The following NEB variants were observed in gnomAD, a reference collection of about 807,000 sequenced individuals.
NEB encodes the protein nebulin.
A neutral mutation model predicts 952.2 loss-of-function variants in NEB; 512 were observed. The observed-to-expected ratio is 0.54, with a 90% confidence interval of 0.50 to 0.58. The LOEUF (loss-of-function observed/expected upper bound fraction) is 0.58, where lower values mean the gene tolerates loss of function less well. Among genes scored for constraint, NEB ranks in the 20% least tolerant of loss-of-function variants. The probability of loss-of-function intolerance (pLI) is 0.00; values close to 1 mark genes in which losing one functional copy is unlikely to be tolerated. For missense variants in NEB, 8,428 were observed against 9,231.1 expected, an observed-to-expected ratio of 0.91 and a Z score of 3.56; for synonymous variants, 2,900 against 3,149.8, an observed-to-expected ratio of 0.92 and a Z score of 2.66.
chr2:151,666,790 C>T (rs996562940), intron 40 of NEB, among the ~76,000 whole-genome samples: 13 of 151,970 alleles, frequency 8.6e-5, no homozygotes, highest in African/African-American at 3.1e-4. Flanking sequence ...TGACTCCCTG[C>T]AGCCTCTGGG....
At position 151,640,420 on chromosome 2, in the gene NEB, A is replaced by G; in HGVS notation, c.8620T>C (p.Trp2874Arg). The G allele has an allele frequency of 1.9e-6, 3 of 1,613,908 alleles. No individual in the cohort carries two copies. Among genetic ancestry groups the G allele is most frequent in the Non-Finnish European group, 2.5e-6 (3 of 1,179,866 alleles). ...DVDYKNYLHQ[W>R]TCLPDQSDVI... The stretch of plus-strand genomic sequence containing the variant: ...TCGCTCTGGTCGGGCAGGCATGTCC[A>G]CTGGTGCAGGTAGTTCTTGTAGTCC... Residue 2874 changes from tryptophan to arginine, a missense_variant, in exon 61 of 182, where the codon TGG becomes CGG. Transcript: ENST00000397345.
chr2:151,650,393 G>A lies in NEB; in HGVS notation c.7228-14C>T, dbSNP rs1558819757. On this transcript the variant is annotated splice_polypyrimidine_tract_variant and intron_variant, in intron 53 of 181. Transcript: ENST00000397345. ...TTTATATAGATTCTGTGAAAAGACA[G>A]AGCAAGCCATCAAAATCCCATTCTC... 4 of 1,610,286 alleles carry A rather than the reference G, an allele frequency of 2.5e-6. No individual in the cohort carries two copies. The South Asian group carries it at 3.3e-5, about 13-fold the overall frequency.
rs746541595 is a variant in NEB at position 151,663,809 on chromosome 2, GAAGCC to G, written c.5497_5501del (p.Gly1833ProfsTer6). On this transcript the variant is annotated frameshift_variant, in exon 45 of 182. Coordinates refer to ENST00000397345, the MANE Select transcript of NEB (RefSeq NM_001164508.2). LOFTEE classifies it high-confidence loss of function. ...GCTTGGGGTCATCTTCCAGGCTCCG[GAAGCC>G]AATGTGTTTCCCTTTGGCTTGTTCA... 6.2e-7 allele frequency: 1 copy of G among 1,613,718 alleles called. No homozygotes were observed. Among genetic ancestry groups the G allele is most frequent in the African/African-American group, 1.3e-5 (1 of 74,916 alleles).
chr2:151,651,998 A>G (rs2099035263), intron 52 of NEB, among the ~76,000 whole-genome samples: 1 of 152,206 alleles, frequency 6.6e-6, no homozygotes, highest in South Asian at 2.1e-4. Flanking sequence ...AAATAGAATG[A>G]TCAGAAGATT....
At chr2:151,566,936 G>T (rs1464214501) in intron 114 of NEB, among the ~76,000 whole-genome samples, 4 of 152,110 alleles carry the variant, frequency 2.6e-5, no homozygotes, top group East Asian at 1.9e-4. Context: ...AAAAGCAGCA[G>T]ATTTTTTTTA....
intron 175 of NEB, 142 bp downstream of exon 175, chr2:151,493,633 G>C (rs2058236573): frequency 1.3e-6 from 1 of 770,224 alleles, no homozygotes; most frequent in Non-Finnish European, 2.0e-6. Flanking sequence ...TCGTGGGGTT[G>C]GTTTGTTGTT....
intron 122 of NEB, 22 bp downstream of exon 122, chr2:151,561,186 A>G (rs767770199): frequency 6.3e-7 from 1 of 1,587,096 alleles, no homozygotes; most frequent in African/African-American, 1.3e-5. Context: ...TGTCCCTGGA[A>G]GAGGAGTACA....
chr2:151,667,975 C>A, intron 39 of NEB, 64 bp from the exon 40 acceptor site: 1 of 1,262,946 alleles, frequency 7.9e-7, no homozygotes, highest in Non-Finnish European at 1.1e-6. Flanking sequence ...AACAGAATGC[C>A]AAAATGTTTC....
chr2:151,714,350 G>A (rs1412070573), intron 10 of NEB, among the ~76,000 whole-genome samples: 1 of 152,102 alleles, frequency 6.6e-6, no homozygotes, highest in South Asian at 2.1e-4. Context: ...CCAGACTATT[G>A]TATGTTCTTC....
In NEB at chr2:151,490,356, C is replaced by A; in HGVS notation, c.25297+16G>T. 1 of 1,583,126 alleles carries A rather than the reference C, an allele frequency of 6.3e-7. No homozygotes were observed. The highest frequency in any genetic ancestry group is 8.6e-7 in the Non-Finnish European group (1 of 1,163,324). On this transcript the variant is annotated intron_variant, in intron 180 of 181. Transcript: ENST00000397345. ...GGCCGGGTGGGACTGCCAAAATCAG[C>A]GCCAGGCACTTGTACCTGTTGAGAC...
At position 151,643,416 on chromosome 2, in the gene NEB, T is replaced by C. The variant is rs1431909275; in HGVS notation, c.7957-63A>G. 17 of 1,398,252 alleles carry C rather than the reference T, an allele frequency of 1.2e-5. No homozygotes were observed. The Middle Eastern group carries it at 5.5e-4, about 46-fold the overall frequency. 86.6% of individuals were successfully genotyped at this position (1,398,252 alleles called of 1,614,324 possible). A position where few individuals can be genotyped will look rare whatever the true frequency, so the allele number is the denominator to read the frequency against. On this transcript the variant is annotated intron_variant, in intron 57 of 181. Transcript: ENST00000397345. ...ATTTATCACAATTTGTCATAATTTG[T>C]CATAATTAAATCATTTGCCCCTAAA...
intron 88 of NEB, among the ~76,000 whole-genome samples, chr2:151,601,298 A>G (rs1456999364): frequency 7.3e-6 from 1 of 137,672 alleles, no homozygotes; most frequent in Non-Finnish European, 1.6e-5. Flanking sequence ...TAGTAGAGAC[A>G]GGGTTTCACC....
chr2:151,729,163 C>T (rs4664501), intron 4 of NEB, among the ~76,000 whole-genome samples: 104,153 of 152,088 alleles, frequency 0.68, 39,057 homozygotes, highest in Non-Finnish European at 0.83. Flanking sequence ...AATGCATCAT[C>T]AGGGACGAAG....
chr2:151,710,599 A>G (rs1337586167), intron 10 of NEB, 61 bp from the exon 11 acceptor site: 1 of 973,632 alleles, frequency 1.0e-6, no homozygotes, highest in East Asian at 2.5e-5. Flanking sequence ...ATAAGACAGC[A>G]AATTAAGAAA....
At chr2:151,573,644 A>C (rs1434280496) in intron 107 of NEB, among the ~76,000 whole-genome samples, 1 of 152,224 alleles carries the variant, frequency 6.6e-6, no homozygotes, top group Non-Finnish European at 1.5e-5. Flanking sequence ...CTTTGCTGGC[A>C]GCCTCCTTCT....
chr2:151,562,299 T>C (rs973129379), intron 120 of NEB, 85 bp from the exon 121 acceptor site: 1 of 1,174,892 alleles, frequency 8.5e-7, no homozygotes, highest in Admixed American at 1.7e-5. Flanking sequence ...AGCTGTTGGC[T>C]GTGCTTATTG....
chr2:151,518,469 A>C (rs750875873), intron 155 of NEB, 47 bp from the exon 156 acceptor site: 1 of 1,175,990 alleles, frequency 8.5e-7, no homozygotes, highest in South Asian at 1.3e-5. Flanking sequence ...GAAGCTGCTC[A>C]GCATTCCTAT....
chr2:151,545,995 T>C lies in NEB; in HGVS notation c.20470A>G (p.Asn6824Asp). The C allele has an allele frequency of 7.4e-7, 1 of 1,350,812 alleles. No individual in the cohort carries two copies. Among genetic ancestry groups the C allele is most frequent in the Non-Finnish European group, 1.0e-6 (1 of 990,300 alleles). 83.7% of individuals were successfully genotyped at this position (1,350,812 alleles called of 1,614,324 possible). A position where few individuals can be genotyped will look rare whatever the true frequency, so the allele number is the denominator to read the frequency against. Residue 6824 changes from asparagine to aspartate, a missense_variant, in exon 135 of 182, where the codon AAT becomes GAT. Asn to Asp is a conservative substitution (Grantham distance 23). This residue lies in a region of NEB where 3,374 missense variants were observed against 3,651.5 expected (regional missense o/e 0.92). Coordinates refer to ENST00000397345, the MANE Select transcript of NEB (RefSeq NM_001164508.2). The part of the protein sequence containing the change: ...RSRHLRKLWS[N>D]YLYTDKARKM... ...CTTGCCTTATCAGTGTATAGGTAATTAGACTTAAAAAAAAAAAAAAAAACA... is the reference window on the plus strand; with the variant it reads ...CTTGCCTTATCAGTGTATAGGTAATCAGACTTAAAAAAAAAAAAAAAAACA...
chr2:151,490,508 C>G lies in NEB; in HGVS notation c.25161G>C (p.Gln8387His), dbSNP rs376897146. The change falls in exon 180 of 182, where the codon CAG becomes CAC. Residue 8387 changes from glutamine (Q) to histidine (H), a missense_variant. Coordinates refer to ENST00000397345, the MANE Select transcript of NEB (RefSeq NM_001164508.2). ...RSLHMINVQA[Q>H]RRSREQSRSA... is the part of the protein sequence containing the mutation. ...ATCGTGACTGCTCCCGGCTCCGGCG[C>G]TGAGCTTGGACTGGGAGAGATGCAG... 1 of 1,609,088 alleles carries G rather than the reference C, an allele frequency of 6.2e-7. No individual in the cohort carries two copies. The highest frequency in any genetic ancestry group is 1.1e-5 in the South Asian group (1 of 89,578).
Sources: allele counts gnomAD v4.1 joint callset (sites outside exome capture counted in the v4.1 genomes callset), GRCh38; gene constraint gnomAD v4.1.1; regional missense constraint gnomAD v4.1.1; transcripts MANE v1.5; gene names NCBI Gene and HGNC (gene_info 2026-07-23, HGNC 2026-07-21).